The following HLCS variants were observed in gnomAD, a reference collection of about 807,000 sequenced individuals.
HLCS encodes holocarboxylase synthetase.
Under a neutral mutation model 75.0 loss-of-function variants are expected in HLCS, and 53 were observed. The observed-to-expected ratio is 0.71, with a 90% CI of 0.57 to 0.89. The LOEUF (loss-of-function observed/expected upper bound fraction) is 0.89. Among genes scored for constraint, HLCS ranks in the 40% least tolerant of loss-of-function variants. The probability of loss-of-function intolerance (pLI) is 0.00; values close to 1 mark genes in which losing one functional copy is unlikely to be tolerated. For synonymous variants in HLCS, 431 were observed against 428.6 expected, an observed-to-expected ratio of 1.01 and a Z score of -0.07; for missense variants, 966 against 1,074.0, an observed-to-expected ratio of 0.90 and a Z score of 1.41.
At chr21:36,961,393 C>T (rs1026147161) in intron 2 of HLCS, among the ~76,000 whole-genome samples, 4 of 152,150 alleles carry the variant, frequency 2.6e-5, no homozygotes, top group African/African-American at 7.2e-5. Flanking sequence ...TGGTGGCTAA[C>T]ATCTCTAATC....
chr21:36,821,324 C>T (rs896682339), intron 6 of HLCS, among the ~76,000 whole-genome samples: 7 of 152,072 alleles, frequency 4.6e-5, no homozygotes, highest in African/African-American at 7.2e-5. Context: ...TAGGAGCACA[C>T]GAGAATTAGG....
intron 9 of HLCS, among the ~76,000 whole-genome samples, chr21:36,757,223 CAG>C (rs2089638826): frequency 1.3e-5 from 2 of 152,286 alleles, no homozygotes; most frequent in African/African-American, 4.8e-5. Context: ...ACTCTGGACT[CAG>C]AGATTTCAAA....
intron 6 of HLCS, among the ~76,000 whole-genome samples, chr21:36,830,021 G>A (rs768139677): frequency 6.6e-6 from 1 of 152,158 alleles, no homozygotes; most frequent in African/African-American, 2.4e-5. Flanking sequence ...TTCCAGAGGC[G>A]ATTAAGTTAA....
At chr21:36,896,219 G>A (rs962885725) in intron 6 of HLCS, among the ~76,000 whole-genome samples, 2 of 152,138 alleles carry the variant, frequency 1.3e-5, no homozygotes, top group African/African-American at 2.4e-5. Flanking sequence ...GCATAGTGGC[G>A]TGTGCCTATA....
At chr21:36,921,081 A>T (rs1028796565) in intron 5 of HLCS, among the ~76,000 whole-genome samples, 4 of 152,234 alleles carry the variant, frequency 2.6e-5, no homozygotes, top group African/African-American at 9.6e-5. Context: ...ATTTTTGTTC[A>T]GAGAAGAGAG....
chr21:36,940,209 G>T (rs1346882525), intron 2 of HLCS, among the ~76,000 whole-genome samples: 1 of 152,192 alleles, frequency 6.6e-6, no homozygotes, highest in Non-Finnish European at 1.5e-5. Flanking sequence ...TTTAAAAGCA[G>T]CAGTGAGCAG....
At chr21:36,837,313 T>G (rs902170714) in intron 6 of HLCS, among the ~76,000 whole-genome samples, 2 of 152,244 alleles carry the variant, frequency 1.3e-5, no homozygotes, top group Non-Finnish European at 2.9e-5. Context: ...ACAAACTATA[T>G]GCTATACTGT....
intron 5 of HLCS, among the ~76,000 whole-genome samples, chr21:36,914,652 A>G (rs1184762004): frequency 2.6e-5 from 4 of 152,210 alleles, no homozygotes; most frequent in Non-Finnish European, 5.9e-5. Context: ...ACCTCCACCA[A>G]GCCAAACAGG....
At chr21:36,901,120 G>C (rs62225462) in intron 5 of HLCS, among the ~76,000 whole-genome samples, 15,681 of 152,148 alleles carry the variant, frequency 0.1, 1,020 homozygotes, top group Middle Eastern at 0.15. Context: ...AATTAGCTGG[G>C]CATGGTGGTG....
At chr21:36,924,062 C>A (rs923255976) in intron 5 of HLCS, among the ~76,000 whole-genome samples, 10 of 152,202 alleles carry the variant, frequency 6.6e-5, no homozygotes, top group Non-Finnish European at 1.2e-4. Flanking sequence ...ACCTGGAATT[C>A]TGACTTCCTC....
intron 2 of HLCS, chr21:36,947,454 G>A: frequency 1.0e-6 from 1 of 985,308 alleles, no homozygotes; most frequent in African/African-American, 1.7e-5. Flanking sequence ...CGTCGTCCAG[G>A]GTGTTTGCCT....
intron 5 of HLCS, among the ~76,000 whole-genome samples, 153 bp from the exon 6 acceptor site, chr21:36,897,284 T>A (rs973204957): frequency 6.6e-6 from 1 of 152,210 alleles, no homozygotes; most frequent in African/African-American, 2.4e-5. Context: ...TCTAAACGAT[T>A]AGACAATATG....
intron 6 of HLCS, among the ~76,000 whole-genome samples, chr21:36,875,609 C>A (rs1008326107): frequency 6.6e-6 from 1 of 152,212 alleles, no homozygotes; most frequent in African/African-American, 2.4e-5. Context: ...GGACACTCAT[C>A]GGGACGATCT....
At position 36,767,255 on chromosome 21, in the gene HLCS, G is replaced by A. The variant is rs746277054; in HGVS notation, c.1923C>T (p.Gly641=). Reference sequence around the variant, plus strand: ...TCTGCCGGGCCGCGATCACTATTAAGCCCATTTCCTGCGGTGTCTGAAACA... The same window carrying A: ...TCTGCCGGGCCGCGATCACTATTAAACCCATTTCCTGCGGTGTCTGAAACA... ...GLMFQTPQEM[G]LIVIAARQTE... Residue 641 remains glycine (G), a synonymous_variant, in exon 7 of 11, where the codon GGC becomes GGT. Coordinates refer to ENST00000674895, the MANE Select transcript of HLCS (RefSeq NM_001352514.2). 3.1e-5 allele frequency: 50 copies of A among 1,614,084 alleles called. 1 individual carries two copies. In the South Asian group the frequency reaches 5.4e-4, roughly 17 times the overall value.
At chr21:36,778,209 T>A (rs960943303) in intron 6 of HLCS, among the ~76,000 whole-genome samples, 3 of 152,142 alleles carry the variant, frequency 2.0e-5, no homozygotes, top group African/African-American at 7.2e-5. Flanking sequence ...GCCCTTGTGA[T>A]CCGCCCACCT....
At chr21:36,858,968 A>C (rs2063293978) in intron 6 of HLCS, among the ~76,000 whole-genome samples, 1 of 152,172 alleles carries the variant, frequency 6.6e-6, no homozygotes, top group Non-Finnish European at 1.5e-5. Context: ...TGTCATCTAC[A>C]GGCTACACCT....
At chr21:36,906,853 T>C (rs1176450561) in intron 5 of HLCS, among the ~76,000 whole-genome samples, 2 of 152,194 alleles carry the variant, frequency 1.3e-5, no homozygotes, top group Non-Finnish European at 2.9e-5. Context: ...GAGATAGGTA[T>C]AGATTACTGG....
intron 6 of HLCS, among the ~76,000 whole-genome samples, chr21:36,860,978 T>C (rs2063363758): frequency 6.6e-6 from 1 of 152,204 alleles, no homozygotes; most frequent in African/African-American, 2.4e-5. Context: ...GTTAAACACA[T>C]TCTATTCATT....
chr21:36,989,484 C>T lies in HLCS; in HGVS notation c.-393+674G>A, dbSNP rs1158050083. 2.0e-5 allele frequency among the ~76,000 whole-genome samples: 3 copies of T among 151,444 alleles called. No homozygotes were observed. The East Asian group carries it at 5.8e-4, about 29-fold the overall frequency. On this transcript the variant is annotated intron_variant, in intron 1 of 11. Transcript: ENST00000336648. ...GATTACAGGAGCACCACCAGCAGCACGACCGACTAATTTTTGTTATTTTTA... is the reference window on the plus strand; with the variant it reads ...GATTACAGGAGCACCACCAGCAGCATGACCGACTAATTTTTGTTATTTTTA...
Sources: allele counts gnomAD v4.1 joint callset (sites outside exome capture counted in the v4.1 genomes callset), GRCh38; gene constraint gnomAD v4.1.1; transcripts MANE v1.5; gene names NCBI Gene and HGNC (gene_info 2026-07-23, HGNC 2026-07-21).